PLCE1: variants seen among roughly 807,000 people sequenced by gnomAD.
The protein encoded by PLCE1 is phospholipase C epsilon 1.
PLCE1 carries 119 observed loss-of-function variants against 242.8 expected under a neutral mutation model. The ratio of observed to expected loss-of-function variants is 0.49; its 90% CI spans 0.42 to 0.57. PLCE1 has a LOEUF of 0.57. Ranked by LOEUF, PLCE1 falls within the 20% of genes least tolerant of loss-of-function variation. PLCE1 has a pLI of 0.00. For synonymous variants in PLCE1, 945 were observed against 1,017.4 expected, an observed-to-expected ratio of 0.93 and a Z score of 1.35; for missense variants, 2,441 against 2,788.8, an observed-to-expected ratio of 0.88 and a Z score of 2.81.
In PLCE1 at chr10:94,332,076, G is replaced by A. The variant is rs945286286; in HGVS notation, c.*4133G>A. 2 of 151,800 alleles carry A rather than the reference G, an allele frequency of 1.3e-5. No homozygotes were observed. The highest frequency in any genetic ancestry group is 2.4e-5 in the African/African-American group (1 of 41,278). 9.4% of individuals were successfully genotyped at this position (151,800 alleles called of 1,614,324 possible). ...GTAGAGACGGGGGTTTCACTATGTT[G>A]GTAAGGCTGGTCTCGAACTCCTGAC... On this transcript the variant is annotated 3_prime_UTR_variant, in exon 33 of 33. Transcript: ENST00000371380.
At chr10:93,999,902 G>T (rs1301205301) in intron 1 of PLCE1, among the ~76,000 whole-genome samples, 1 of 152,230 alleles carries the variant, frequency 6.6e-6, no homozygotes, top group African/African-American at 2.4e-5. Flanking sequence ...GCCAGTGGGG[G>T]ATTATTTTTG....
chr10:94,171,539 T>C, intron 4 of PLCE1, 43 bp downstream of exon 4: 1 of 1,487,792 alleles, frequency 6.7e-7, no homozygotes. Flanking sequence ...GACTCACCCG[T>C]AAGTGATTTT....
intron 29 of PLCE1, among the ~76,000 whole-genome samples, chr10:94,321,369 C>A (rs1407890339): frequency 2.0e-5 from 3 of 152,256 alleles, no homozygotes; most frequent in Non-Finnish European, 4.4e-5. Flanking sequence ...CACAGTGGCT[C>A]ACACCTGTAA....
chr10:94,145,922 C>G (rs2047098479), intron 3 of PLCE1, among the ~76,000 whole-genome samples: 1 of 151,912 alleles, frequency 6.6e-6, no homozygotes, highest in South Asian at 2.1e-4. Flanking sequence ...GGAAGCGTTC[C>G]AAGCAGGGAA....
chr10:94,099,420 C>T (rs2045435394), intron 2 of PLCE1, among the ~76,000 whole-genome samples: 1 of 152,196 alleles, frequency 6.6e-6, no homozygotes, highest in Non-Finnish European at 1.5e-5. Flanking sequence ...AAAACTGAGG[C>T]TTAGAGAAGC....
intron 2 of PLCE1, among the ~76,000 whole-genome samples, chr10:94,034,023 G>T (rs757491786): frequency 6.6e-6 from 1 of 152,174 alleles, no homozygotes; most frequent in South Asian, 2.1e-4. Context: ...GTTCCACATG[G>T]TTGGGCAGGC....
rs2052935960 is a variant in PLCE1, at chr10:94,298,888, G to T, written c.5458+219G>T. On this transcript the variant is annotated intron_variant, in intron 24 of 32. Coordinates refer to ENST00000371380, the MANE Select transcript of PLCE1 (RefSeq NM_016341.4). This position sits in a 1 kb window ranked among gnomAD's most constrained non-coding sequence, Gnocchi z 5.2. ...AAAGAATCTTGAAGGGGCCTGTAAG[G>T]TCTCCTGGTCCTGCCCCTTTTTTAA... is the stretch of plus-strand genomic sequence containing the variant. 6.6e-6 allele frequency among the ~76,000 whole-genome samples: 1 copy of T among 152,164 alleles called. No homozygotes were observed. The highest frequency in any genetic ancestry group is 1.5e-5 in the Non-Finnish European group (1 of 68,016).
chr10:94,201,686 A>G (rs1229244737), intron 4 of PLCE1, among the ~76,000 whole-genome samples: 2 of 152,048 alleles, frequency 1.3e-5, no homozygotes, highest in Non-Finnish European at 2.9e-5. Context: ...TCACTGTGTT[A>G]GCCAGGATGG....
chr10:94,240,913 T>A (rs1417785084), intron 7 of PLCE1, among the ~76,000 whole-genome samples: 1 of 152,218 alleles, frequency 6.6e-6, no homozygotes, highest in African/African-American at 2.4e-5. Flanking sequence ...ATTTAGTTCC[T>A]AAATAAGTCT....
chr10:94,315,702 G>A (rs181516773), intron 28 of PLCE1, among the ~76,000 whole-genome samples: 6 of 151,224 alleles, frequency 4.0e-5, no homozygotes, highest in Non-Finnish European at 5.9e-5. Flanking sequence ...CTGGGAAGGC[G>A]GAGGTTGCAG....
chr10:94,171,586 A>C lies in PLCE1; in HGVS notation c.1809+90A>C, dbSNP rs72814608. ...CCCCTTCTAGGTTTGTCTGTTCCTG[A>C]TGTGTTCATTTCATTCTGTCTTGCC... On this transcript the variant is annotated intron_variant, in intron 4 of 32. Coordinates refer to ENST00000371380, the MANE Select transcript of PLCE1 (RefSeq NM_016341.4). 0.028 allele frequency: 28,697 copies of C among 1,013,406 alleles called. 531 individuals carry two copies. The highest frequency in any genetic ancestry group is 0.049 in the South Asian group (3,796 of 77,250). 62.8% of individuals were successfully genotyped at this position (1,013,406 alleles called of 1,614,324 possible). A position where few individuals can be genotyped will look rare whatever the true frequency, so the allele number is the denominator to read the frequency against.
At chr10:94,074,050 T>C (rs187751746) in intron 2 of PLCE1, among the ~76,000 whole-genome samples, 1 of 152,220 alleles carries the variant, frequency 6.6e-6, no homozygotes, top group African/African-American at 2.4e-5. Flanking sequence ...AAATACAAGT[T>C]TCAAGTGTTA....
rs564667716 is a variant in PLCE1, at chr10:94,328,794, T to C, written c.*851T>C. The C allele has an allele frequency of 3.9e-5, 6 of 152,232 alleles. No homozygotes were observed. Among genetic ancestry groups the C allele is most frequent in the Non-Finnish European group, 5.9e-5 (4 of 68,048 alleles). 9.4% of individuals were successfully genotyped at this position (152,232 alleles called of 1,614,324 possible). A position where few individuals can be genotyped will look rare whatever the true frequency, so the allele number is the denominator to read the frequency against. ...TAATATTGGGTTTTTTTTAAGGTTA[T>C]TGCCTATTCAGTTAATAGGGTTGCT... On this transcript the variant is annotated 3_prime_UTR_variant, in exon 33 of 33. Coordinates refer to ENST00000371380, the MANE Select transcript of PLCE1 (RefSeq NM_016341.4).
intron 3 of PLCE1, among the ~76,000 whole-genome samples, chr10:94,154,327 G>A (rs892786723): frequency 1.3e-5 from 2 of 151,772 alleles, no homozygotes; most frequent in South Asian, 4.2e-4. Context: ...AACTCAAAAT[G>A]AATCAAAGAC....
At chr10:94,247,733 A>G (rs1485980407) in intron 8 of PLCE1, among the ~76,000 whole-genome samples, 1 of 152,188 alleles carries the variant, frequency 6.6e-6, no homozygotes, top group Non-Finnish European at 1.5e-5. Flanking sequence ...AGCTGCTTAC[A>G]TTGAGTGAAT....
At chr10:94,226,835 T>C (rs7083090) in intron 4 of PLCE1, among the ~76,000 whole-genome samples, 42,668 of 122,210 alleles carry the variant, frequency 0.35, 8,325 homozygotes, top group East Asian at 0.62. Flanking sequence ...ATAGGTCTTT[T>C]TTTTTTTTTT....
intron 3 of PLCE1, among the ~76,000 whole-genome samples, chr10:94,165,349 C>G (rs2047760817): frequency 6.6e-6 from 1 of 152,222 alleles, no homozygotes; most frequent in Admixed American, 6.5e-5. Flanking sequence ...CTCCCCCAGC[C>G]TCGCTGCCGC....
At chr10:94,311,601 T>G (rs998421603) in intron 27 of PLCE1, among the ~76,000 whole-genome samples, 1 of 152,226 alleles carries the variant, frequency 6.6e-6, no homozygotes, top group African/African-American at 2.4e-5. Flanking sequence ...CATTTAAGAC[T>G]TGATCATTCT....
At chr10:94,027,836 T>C (rs1288231971) in intron 1 of PLCE1, among the ~76,000 whole-genome samples, 1 of 150,978 alleles carries the variant, frequency 6.6e-6, no homozygotes, top group East Asian at 1.9e-4. Flanking sequence ...AATAAATAAA[T>C]AAATAAATAA....
Sources: allele counts gnomAD v4.1 joint callset (sites outside exome capture counted in the v4.1 genomes callset), GRCh38; gene constraint gnomAD v4.1.1; non-coding constraint Gnocchi (gnomAD v3.1); transcripts MANE v1.5; gene names NCBI Gene and HGNC (gene_info 2026-07-23, HGNC 2026-07-21).